The following FHIT variants were observed in gnomAD, a reference collection of about 807,000 sequenced individuals.
FHIT encodes the protein fragile histidine triad diadenosine triphosphatase.
FHIT carries 19 observed loss-of-function variants against 17.9 expected under a neutral mutation model. The observed-to-expected ratio is 1.06, with a 90% CI of 0.74 to 1.56. The LOEUF (loss-of-function observed/expected upper bound fraction) is 1.56. FHIT is among the 40% of genes most tolerant of loss of function. The pLI, the probability that FHIT is intolerant of heterozygous loss-of-function variation, is 0.00. For synonymous variants in FHIT, 81 were observed against 69.7 expected (o/e 1.16, Z -0.81); for missense variants, 248 against 189.2 (o/e 1.31, Z -1.82).
intron 5 of FHIT, among the ~76,000 whole-genome samples, chr3:60,070,323 C>T (rs1250467398): frequency 6.6e-6 from 1 of 152,230 alleles, no homozygotes; most frequent in Non-Finnish European, 1.5e-5. Flanking sequence ...GCCACGGCTT[C>T]TGACAGTGCC....
intron 7 of FHIT, among the ~76,000 whole-genome samples, chr3:59,983,268 G>C (rs1056088328): frequency 6.6e-6 from 1 of 152,068 alleles, no homozygotes; most frequent in African/African-American, 2.4e-5. Flanking sequence ...CAAAAAGAAG[G>C]GGTATATTTA....
chr3:60,458,461 A>G (rs924231413), intron 5 of FHIT, among the ~76,000 whole-genome samples: 1 of 147,840 alleles, frequency 6.8e-6, no homozygotes, highest in Non-Finnish European at 1.5e-5. Flanking sequence ...GGGGGGAGGG[A>G]TAGCATTAGG....
chr3:61,166,518 A>C (rs2037843435), intron 2 of FHIT, among the ~76,000 whole-genome samples: 1 of 152,170 alleles, frequency 6.6e-6, no homozygotes, highest in Non-Finnish European at 1.5e-5. Context: ...CCTCACATTT[A>C]CAGAAGCAGG....
intron 5 of FHIT, among the ~76,000 whole-genome samples, chr3:60,456,507 C>T (rs144278208): frequency 2.2e-3 from 328 of 152,278 alleles, no homozygotes; most frequent in African/African-American, 7.4e-3. Context: ...TAGTCTCTTG[C>T]CCTAAAGACT....
intron 4 of FHIT, among the ~76,000 whole-genome samples, chr3:60,816,515 T>C (rs1418500298): frequency 6.6e-6 from 1 of 151,982 alleles, no homozygotes; most frequent in Admixed American, 6.6e-5. Flanking sequence ...TTTTTAAAAA[T>C]CCTATTTATG....
chr3:59,751,232 T>TTATCTC (rs1015367877), intron 9 of FHIT: 1 of 175,902 alleles, frequency 5.7e-6, no homozygotes, highest in African/African-American at 2.4e-5. Context: ...ATAGATACAT[T>TTATCTC]TCTCTCTCTC....
intron 5 of FHIT, among the ~76,000 whole-genome samples, chr3:60,271,026 C>G (rs1442496231): frequency 2.6e-5 from 4 of 152,076 alleles, no homozygotes; most frequent in African/African-American, 7.2e-5. Context: ...GTGACTATTA[C>G]CAGAGGAATC....
Position 59,922,357 on chromosome 3 carries a change from T to C in FHIT, c.337A>G (p.Ile113Val). Residue 113 changes from isoleucine (I) to valine (V), a missense_variant, in exon 8 of 10, where the codon ATC (isoleucine) becomes GTC (valine). Physicochemically the swap from Ile to Val is conservative, Grantham distance 29. Transcript: ENST00000492590. ...KAGDFHRNDS[I>V]YEELQKHDKE... Reference sequence around the variant, plus strand: ...GAGAACAGACCCACCTCCTCATAGATGCTGTCATTCCTGTGAAAGTCTCCA... The same window carrying C: ...GAGAACAGACCCACCTCCTCATAGACGCTGTCATTCCTGTGAAAGTCTCCA... 1.2e-6 allele frequency: 2 copies of C among 1,613,704 alleles called. No individual in the cohort carries two copies. The highest frequency in any genetic ancestry group is 1.3e-5 in the African/African-American group (1 of 75,010).
intron 2 of FHIT, among the ~76,000 whole-genome samples, chr3:61,094,646 A>T (rs960398853): frequency 6.6e-6 from 1 of 152,216 alleles, no homozygotes; most frequent in African/African-American, 2.4e-5. Flanking sequence ...AGCTAATGAT[A>T]AAATAGAGCA....
At chr3:60,830,695 T>C (rs1248068753) in intron 3 of FHIT, among the ~76,000 whole-genome samples, 4 of 152,318 alleles carry the variant, frequency 2.6e-5, no homozygotes, top group East Asian at 1.9e-4. Flanking sequence ...AAAGCTATAA[T>C]ATGGCCTATC....
chr3:60,668,510 C>G (rs538043652), intron 4 of FHIT, among the ~76,000 whole-genome samples: 110 of 149,858 alleles, frequency 7.3e-4, no homozygotes, highest in Non-Finnish European at 1.3e-3. Context: ...TCTAAACACT[C>G]TGCTACTGTG....
At chr3:60,365,801 GTAACT>G (rs1303748651) in intron 5 of FHIT, among the ~76,000 whole-genome samples, 2 of 152,124 alleles carry the variant, frequency 1.3e-5, no homozygotes, top group African/African-American at 2.4e-5. Flanking sequence ...TGAATGTTCA[GTAACT>G]TTAGTTAGCT....
chr3:60,728,949 C>A (rs1481594481), intron 4 of FHIT, among the ~76,000 whole-genome samples: 5 of 152,074 alleles, frequency 3.3e-5, no homozygotes, highest in African/African-American at 1.2e-4. Flanking sequence ...CTGGATCATC[C>A]CCACATCAAA....
At chr3:60,644,743 A>G (rs570126731) in intron 4 of FHIT, among the ~76,000 whole-genome samples, 40 of 152,316 alleles carry the variant, frequency 2.6e-4, no homozygotes, top group African/African-American at 9.1e-4. Flanking sequence ...CCAGGTGAGA[A>G]AACAAACTCC....
intron 3 of FHIT, among the ~76,000 whole-genome samples, chr3:60,898,710 A>C (rs181121925): frequency 6.6e-6 from 1 of 152,308 alleles, no homozygotes; most frequent in East Asian, 1.9e-4. Flanking sequence ...CTCTTCCTGC[A>C]CAGCTCAGTC....
chr3:60,543,639 T>A (rs906844973), intron 4 of FHIT, among the ~76,000 whole-genome samples: 1 of 152,190 alleles, frequency 6.6e-6, no homozygotes, highest in African/African-American at 2.4e-5. Context: ...AATTAGTTAC[T>A]CCCAATACAG....
chr3:60,520,703 G>C (rs1428929281), intron 5 of FHIT, among the ~76,000 whole-genome samples: 1 of 152,028 alleles, frequency 6.6e-6, no homozygotes, highest in Non-Finnish European at 1.5e-5. Flanking sequence ...GGTGTTAGAG[G>C]GTCATTTTTC....
chr3:60,178,423 T>C (rs1359600065), intron 5 of FHIT, among the ~76,000 whole-genome samples: 1 of 151,830 alleles, frequency 6.6e-6, no homozygotes, highest in African/African-American at 2.4e-5. Context: ...CTTTCTGTAA[T>C]AAAAATACAA....
At chr3:60,483,769 A>T (rs957506422) in intron 5 of FHIT, among the ~76,000 whole-genome samples, 1 of 152,122 alleles carries the variant, frequency 6.6e-6, no homozygotes, top group African/African-American at 2.4e-5. Flanking sequence ...AAACTGATAC[A>T]AACAAGGACA....
Sources: allele counts gnomAD v4.1 joint callset (sites outside exome capture counted in the v4.1 genomes callset), GRCh38; gene constraint gnomAD v4.1.1; transcripts MANE v1.5; gene names NCBI Gene and HGNC (gene_info 2026-07-23, HGNC 2026-07-21).